TCOF1: variants seen among roughly 807,000 people sequenced by gnomAD.
TCOF1 encodes treacle ribosome biogenesis factor 1.
A neutral mutation model predicts 149.0 loss-of-function variants in TCOF1; 33 were observed. The observed-to-expected ratio is 0.22, with a 90% CI of 0.17 to 0.30. The LOEUF (loss-of-function observed/expected upper bound fraction) is 0.30. Among genes scored for constraint, TCOF1 ranks in the 10% least tolerant of loss-of-function variants. TCOF1 has a pLI of 1.00. For missense variants in TCOF1, 1,728 were observed against 1,840.7 expected (o/e 0.94, Z 1.12); for synonymous variants, 789 against 738.8 (o/e 1.07, Z -1.10).
intron 3 of TCOF1, among the ~76,000 whole-genome samples, chr5:150,367,113 A>G (rs902200241): frequency 5.9e-5 from 9 of 151,778 alleles, no homozygotes; most frequent in Non-Finnish European, 2.9e-5. Flanking sequence ...AGACCATCCT[A>G]GCTAACACGG....
At chr5:150,367,621 A>G (rs530540200) in intron 3 of TCOF1, 105 of 575,168 alleles carry the variant, frequency 1.8e-4, no homozygotes, top group African/African-American at 1.7e-3. Flanking sequence ...TCAAGGATGC[A>G]GACACATAGC....
In TCOF1 at chr5:150,369,672, T is replaced by C; in HGVS notation, c.639+70T>C. The C allele has an allele frequency of 1.7e-5, 26 of 1,528,304 alleles. No homozygotes were observed. In the South Asian group the frequency reaches 2.1e-4, roughly 12 times the overall value. 94.7% of individuals were successfully genotyped at this position (1,528,304 alleles called of 1,614,324 possible). A position where few individuals can be genotyped will look rare whatever the true frequency, so the allele number is the denominator to read the frequency against. On this transcript the variant is annotated intron_variant, in intron 6 of 26. Transcript: ENST00000643257. ...ACCCTTCCAGGAACCTGTCTGGGGC[T>C]TCAGACACCAGTGGGCCCAGATGAG...
chr5:150,384,978 C>G (rs1046973473), intron 17 of TCOF1: 20 of 985,296 alleles, frequency 2.0e-5, no homozygotes, highest in African/African-American at 1.7e-4. Flanking sequence ...TCCTAGACCC[C>G]TCACTGTGCC....
chr5:150,382,302 G>T (rs1192954558), intron 17 of TCOF1, among the ~76,000 whole-genome samples: 3 of 152,242 alleles, frequency 2.0e-5, no homozygotes, highest in African/African-American at 7.2e-5. Context: ...TGAAGCATGT[G>T]GTAGGGGCCA....
chr5:150,391,445 TCCAGCCCTCACC>T, intron 19 of TCOF1, 87 bp from the exon 20 acceptor site: 1 of 1,077,486 alleles, frequency 9.3e-7, no homozygotes, highest in Non-Finnish European at 1.4e-6. Flanking sequence ...CAGTCCCTGC[TCCAGCCCTCACC>T]CCAGCCAGAC....
intron 2 of TCOF1, among the ~76,000 whole-genome samples, chr5:150,361,562 G>A (rs1163052772): frequency 6.6e-6 from 1 of 152,236 alleles, no homozygotes; most frequent in Non-Finnish European, 1.5e-5. Context: ...CTTTCCTGCA[G>A]CTGACATTGT....
chr5:150,377,135 C>T (rs1012914522), intron 14 of TCOF1, among the ~76,000 whole-genome samples: 1 of 152,162 alleles, frequency 6.6e-6, no homozygotes, highest in Non-Finnish European at 1.5e-5. Context: ...GCAGTCTGTG[C>T]GAGGCCAGGG....
chr5:150,360,487 C>T (rs146940106), intron 1 of TCOF1, among the ~76,000 whole-genome samples: 7 of 152,284 alleles, frequency 4.6e-5, no homozygotes, highest in Admixed American at 2.6e-4. Flanking sequence ...TGGCTGGCCA[C>T]GTCTTTGAAA....
chr5:150,376,174 C>T lies in TCOF1; in HGVS notation c.1986C>T (p.Gly662=). The change falls in exon 13 of 27, where the codon GGC becomes GGT. Residue 662 remains glycine, a synonymous_variant. Transcript: ENST00000643257. ...CCAAGGTCGCCCCTGTGCGAGTGGG[C>T]ACCCAAGCCCCCCGGAAAGCAGGAA... The part of the protein sequence containing the change: ...ASAKVAPVRV[G]TQAPRKAGTA... 1 of 1,614,194 alleles carries T rather than the reference C, an allele frequency of 6.2e-7. No homozygotes were observed. The highest frequency in any genetic ancestry group is 8.5e-7 in the Non-Finnish European group (1 of 1,180,016).
rs762986105 is a variant in TCOF1 at position 150,364,241 on chromosome 5, C to T, written c.293C>T (p.Thr98Ile). Residue 98 changes from threonine to isoleucine, a missense_variant, in exon 3 of 27, where the codon ACC (threonine) becomes ATC (isoleucine). Physicochemically the swap from Thr to Ile is moderately conservative, Grantham distance 89. Transcript: ENST00000643257. ...GAGGAGGAAGAAGCAGAAGCCGAAA[C>T]CGCCAAAGCCAGTAAGAGCCTTGCA... ...SEEEEEAEAETAKATPRLAST... is the reference protein window; with the variant it reads ...SEEEEEAEAEIAKATPRLAST... 2 of 1,614,154 alleles carry T rather than the reference C, an allele frequency of 1.2e-6. No homozygotes were observed. Among genetic ancestry groups the T allele is most frequent in the Admixed American group, 3.3e-5 (2 of 60,022 alleles).
Position 150,392,898 on chromosome 5 carries a change from C to T in TCOF1, c.3603+108C>T, listed in dbSNP as rs1332827162. Reference sequence around the variant, plus strand: ...GTCAGGGGTCTGGGTCCCCTCTCTTCACAGAGGCCTTGGGCAAGGTCCTGT... The same window carrying T: ...GTCAGGGGTCTGGGTCCCCTCTCTTTACAGAGGCCTTGGGCAAGGTCCTGT... On this transcript the variant is annotated intron_variant, in intron 22 of 26. Coordinates refer to ENST00000643257, the MANE Select transcript of TCOF1 (RefSeq NM_001371623.1). 5 of 1,340,988 alleles carry T rather than the reference C, an allele frequency of 3.7e-6. No homozygotes were observed. The Admixed American group carries it at 5.9e-5, about 16-fold the overall frequency. The allele number at this position is 1,340,988 out of a possible 1,614,324, so 83.1% of individuals were successfully genotyped here.
intron 23 of TCOF1, among the ~76,000 whole-genome samples, chr5:150,395,237 TAG>T (rs1419668448): frequency 6.6e-6 from 1 of 152,156 alleles, no homozygotes; most frequent in Non-Finnish European, 1.5e-5. Flanking sequence ...GAGTACCACA[TAG>T]AGTGTGACAT....
intron 25 of TCOF1, among the ~76,000 whole-genome samples, chr5:150,398,797 C>T (rs34133581): frequency 0.015 from 2,237 of 152,366 alleles, 23 homozygotes; most frequent in Non-Finnish European, 0.023. Context: ...GCTGTCCTCA[C>T]GGCGCGGGGC....
intron 6 of TCOF1, among the ~76,000 whole-genome samples, chr5:150,371,764 C>CA (rs1289447670): frequency 1.3e-5 from 2 of 152,194 alleles, no homozygotes; most frequent in African/African-American, 4.8e-5. Flanking sequence ...GTTCCAAAGT[C>CA]AGACAGTCCA....
Position 150,379,263 on chromosome 5 carries a change from C to T in TCOF1, c.2513C>T (p.Thr838Ile), listed in dbSNP as rs1278379496. 6.2e-7 allele frequency: 1 copy of T among 1,614,238 alleles called. No homozygotes were observed. Among genetic ancestry groups the T allele is most frequent in the Non-Finnish European group, 8.5e-7 (1 of 1,180,038 alleles). ...KPPVRNPQNS[T>I]VLARGPASVP... ...CCAGTGAGAAACCCCCAGAACAGTA[C>T]CGTCTTGGCGAGGGGCCCAGCATCT... Residue 838 changes from threonine (T) to isoleucine (I), a missense_variant, in exon 16 of 27, where the codon ACC becomes ATC. Transcript: ENST00000643257.
intron 3 of TCOF1, chr5:150,365,095 T>A (rs1294951342): frequency 2.0e-5 from 3 of 151,656 alleles, no homozygotes; most frequent in African/African-American, 7.3e-5. Flanking sequence ...GGGGTTTCAC[T>A]CTTGTCACCC....
chr5:150,358,128 C>A (rs1759084222), intron 1 of TCOF1, among the ~76,000 whole-genome samples: 1 of 152,188 alleles, frequency 6.6e-6, no homozygotes, highest in African/African-American at 2.4e-5. Context: ...CTTCCCTTAC[C>A]TCCACGCCCT....
chr5:150,393,651 C>T (rs534458255), intron 23 of TCOF1, 99 bp downstream of exon 23: 1 of 1,485,136 alleles, frequency 6.7e-7, no homozygotes, highest in South Asian at 1.2e-5. Context: ...CCAACATGGT[C>T]CTGTCTGCCC....
At chr5:150,380,632 C>A (rs1581149344) in intron 17 of TCOF1, 1 of 152,332 alleles carries the variant, frequency 6.6e-6, no homozygotes, top group South Asian at 2.1e-4. Context: ...CTTGCTACAT[C>A]CTACAGAAGT....
Sources: gnomAD v4.1 joint callset for allele counts (sites outside exome capture counted in the v4.1 genomes callset) on GRCh38, gnomAD v4.1.1 for gene constraint, MANE v1.5 for transcripts, NCBI Gene and HGNC (gene_info 2026-07-23, HGNC 2026-07-21) for gene names.